CYP4X1: variants seen among roughly 807,000 people sequenced by gnomAD.
The protein encoded by CYP4X1 is cytochrome P450 family 4 subfamily X member 1.
A neutral mutation model predicts 57.9 loss-of-function variants in CYP4X1; 44 were observed. The ratio of observed to expected loss-of-function variants is 0.76; its 90% CI spans 0.60 to 0.98. CYP4X1 has a LOEUF of 0.98. CYP4X1 is among the 50% of genes least tolerant of loss of function. The pLI, the probability that CYP4X1 is intolerant of heterozygous loss-of-function variation, is 0.00. For synonymous variants in CYP4X1, 227 were observed against 228.6 expected, an observed-to-expected ratio of 0.99 and a Z score of 0.06; for missense variants, 532 against 623.9, an observed-to-expected ratio of 0.85 and a Z score of 1.57.
At chr1:46,990,012 CCAAAAGCAATGGCAA>C in the CYP4X1 span, among the ~76,000 whole-genome samples, 4 of 152,136 alleles carry the variant, frequency 2.6e-5, no homozygotes, top group Admixed American at 2.6e-4. Context: ...GACTAAAACA[CCAAAAGCAATGGCAA>C]CAAAAGCCAA....
chr1:47,033,202 A>T, intron 3 of CYP4X1, 39 bp from the exon 4 acceptor site: 1 of 1,600,722 alleles, frequency 6.2e-7, no homozygotes, highest in Non-Finnish European at 8.5e-7. Context: ...ATCTCATCTA[A>T]TTAAATGGCA....
the CYP4X1 span, among the ~76,000 whole-genome samples, chr1:46,964,965 C>T: frequency 6.6e-6 from 1 of 152,194 alleles, no homozygotes; most frequent in Non-Finnish European, 1.5e-5. Flanking sequence ...AGCCTCACTG[C>T]CGCCTTGCAG....
chr1:47,010,667 G>C, the CYP4X1 span, among the ~76,000 whole-genome samples: 1 of 152,152 alleles, frequency 6.6e-6, no homozygotes, highest in Non-Finnish European at 1.5e-5. Context: ...AAACCCCATC[G>C]TCTCAGCCCA....
At chr1:46,989,221 G>A in the CYP4X1 span, among the ~76,000 whole-genome samples, 3 of 152,080 alleles carry the variant, frequency 2.0e-5, no homozygotes, top group African/African-American at 7.2e-5. Flanking sequence ...CAAAATCAAA[G>A]TGCAAAAATC....
chr1:47,006,123 G>A, the CYP4X1 span, among the ~76,000 whole-genome samples: 2 of 152,200 alleles, frequency 1.3e-5, no homozygotes, highest in Non-Finnish European at 2.9e-5. Flanking sequence ...AGTGAATGGG[G>A]TAAATGTTTT....
intron 6 of CYP4X1, among the ~76,000 whole-genome samples, chr1:47,036,775 T>C (rs1181179448): frequency 6.6e-6 from 1 of 152,146 alleles, no homozygotes; most frequent in Non-Finnish European, 1.5e-5. Flanking sequence ...ATCTATAAAA[T>C]GGAGATTAAA....
chr1:47,026,799 C>A (rs959797311), intron 1 of CYP4X1, among the ~76,000 whole-genome samples: 2 of 152,058 alleles, frequency 1.3e-5, no homozygotes, highest in Admixed American at 6.6e-5. Flanking sequence ...CTCACTGCAA[C>A]CTCCGCCTCT....
chr1:46,997,672 A>T, the CYP4X1 span, among the ~76,000 whole-genome samples: 2 of 152,188 alleles, frequency 1.3e-5, no homozygotes, highest in African/African-American at 4.8e-5. Context: ...GTAAACATAC[A>T]TGTGTCTTTT....
the CYP4X1 span, among the ~76,000 whole-genome samples, chr1:46,997,670 A>G: frequency 1.3e-5 from 2 of 152,356 alleles, no homozygotes; most frequent in East Asian, 3.9e-4. Context: ...CCGTAAACAT[A>G]CATGTGTCTT....
chr1:47,053,708 A>G (rs1644373677), downstream of CYP4X1, among the ~76,000 whole-genome samples: 1 of 152,162 alleles, frequency 6.6e-6, no homozygotes. Context: ...TGGCTGCATA[A>G]ATGTCCTCTT....
chr1:47,032,171 C>T (rs533561646), intron 3 of CYP4X1, among the ~76,000 whole-genome samples: 23 of 152,086 alleles, frequency 1.5e-4, no homozygotes, highest in Admixed American at 9.8e-4. Context: ...TTTCCACATG[C>T]GAGTCAGTAA....
intron 4 of CYP4X1, 123 bp from the exon 5 acceptor site, chr1:47,035,683 G>A: frequency 1.4e-6 from 2 of 1,383,914 alleles, no homozygotes; most frequent in Non-Finnish European, 1.9e-6. Flanking sequence ...TGTGATCTTT[G>A]GTTCCTGCTG....
chr1:46,991,795 T>C, the CYP4X1 span, among the ~76,000 whole-genome samples: 194 of 152,294 alleles, frequency 1.3e-3, no homozygotes, highest in Non-Finnish European at 2.2e-3. Flanking sequence ...GGCACACCTC[T>C]CAGCACATTA....
chr1:46,980,987 T>C, the CYP4X1 span, among the ~76,000 whole-genome samples: 1 of 152,166 alleles, frequency 6.6e-6, no homozygotes, highest in Admixed American at 6.5e-5. Flanking sequence ...TAATTCAAGA[T>C]GGATTAAAGA....
intron 8 of CYP4X1, among the ~76,000 whole-genome samples, chr1:47,045,241 C>T (rs1644288941): frequency 6.6e-6 from 1 of 152,098 alleles, no homozygotes; most frequent in African/African-American, 2.4e-5. Context: ...CATATAAAAA[C>T]ACAATAAGAT....
At chr1:47,029,452 G>C (rs924970458) in intron 1 of CYP4X1, among the ~76,000 whole-genome samples, 3 of 152,186 alleles carry the variant, frequency 2.0e-5, no homozygotes, top group African/African-American at 7.2e-5. Context: ...TTGTTGGGGG[G>C]AGAATTTGGA....
chr1:47,013,406 C>T, the CYP4X1 span, among the ~76,000 whole-genome samples: 1 of 152,242 alleles, frequency 6.6e-6, no homozygotes, highest in East Asian at 1.9e-4. Context: ...GTGAGGCCTA[C>T]TTGGGACAAC....
the CYP4X1 span, among the ~76,000 whole-genome samples, chr1:46,986,610 A>G: frequency 5.9e-5 from 9 of 152,204 alleles, no homozygotes; most frequent in Non-Finnish European, 1.0e-4. Flanking sequence ...AAATGAAGGA[A>G]AAAATGTTAA....
At chr1:46,975,833 C>A in the CYP4X1 span, among the ~76,000 whole-genome samples, 3 of 151,904 alleles carry the variant, frequency 2.0e-5, no homozygotes, top group East Asian at 1.9e-4. Context: ...TTTACATAAT[C>A]CTATATCTCT....
Sources: allele counts gnomAD v4.1 joint callset (sites outside exome capture counted in the v4.1 genomes callset), GRCh38; gene constraint gnomAD v4.1.1; transcripts MANE v1.5; gene names NCBI Gene and HGNC (gene_info 2026-07-23, HGNC 2026-07-21).